Variants in TRDN observed in about 807,000 individuals in gnomAD.
TRDN encodes triadin.
Under a neutral mutation model 149.7 loss-of-function variants are expected in TRDN, and 161 were observed. The observed-to-expected ratio is 1.08, with a 90% CI of 0.95 to 1.23. The LOEUF (loss-of-function observed/expected upper bound fraction) is 1.23, where lower values mean the gene tolerates loss of function less well. TRDN is among the 50% of genes most tolerant of loss of function. TRDN has a pLI of 0.00. For missense variants in TRDN, 896 were observed against 823.5 expected, an observed-to-expected ratio of 1.09 and a Z score of -1.08; for synonymous variants, 294 against 250.5, an observed-to-expected ratio of 1.17 and a Z score of -1.64.
intron 12 of TRDN, among the ~76,000 whole-genome samples, chr6:123,396,573 C>T (rs73771945): frequency 0.15 from 22,939 of 152,074 alleles, 1,805 homozygotes; most frequent in African/African-American, 0.21. Context: ...AAAATGTCAG[C>T]ATAATTCACT....
At chr6:123,250,104 A>G (rs541221598) in intron 38 of TRDN, among the ~76,000 whole-genome samples, 2 of 152,272 alleles carry the variant, frequency 1.3e-5, no homozygotes, top group South Asian at 2.1e-4. Flanking sequence ...TATAACAGCT[A>G]TAAGAAAAAT....
rs1319380436 is a variant in TRDN at position 123,278,318 on chromosome 6, C to G, written c.1567G>C (p.Glu523Gln). The change falls in exon 26 of 41, where the codon GAG (glutamate) becomes CAG (glutamine). Residue 523 changes from glutamate (E) to glutamine (Q), a missense_variant and splice_region_variant. Transcript: ENST00000334268. ...ATGTGTATAAATAAAATATACATACCTGGCTTCTCTTCCTTTTTTCCTTGT... is the reference window on the plus strand; with the variant it reads ...ATGTGTATAAATAAAATATACATACGTGGCTTCTCTTCCTTTTTTCCTTGT... ...QLQGKKEEKP[E>Q]PQIKKEAKPA... 2.3e-6 allele frequency: 3 copies of G among 1,292,456 alleles called. No individual in the cohort carries two copies. The highest frequency in any genetic ancestry group is 5.9e-5 in the East Asian group (2 of 33,700). The allele number at this position is 1,292,456 out of a possible 1,614,324, so 80.1% of individuals were successfully genotyped here.
Position 123,322,664 on chromosome 6 carries a change from A to G in TRDN, c.1472-6169T>C, listed in dbSNP as rs1779288363. Among the ~76,000 whole-genome samples the G allele has an allele frequency of 2.7e-5, 4 of 146,360 alleles. No individual in the cohort carries two copies. In the South Asian group the frequency reaches 8.8e-4, roughly 32 times the overall value. On this transcript the variant is annotated intron_variant, in intron 23 of 40. Coordinates refer to ENST00000334268, the MANE Select transcript of TRDN (RefSeq NM_006073.4). Reference sequence around the variant, plus strand: ...TATTATTATTATTATTATTTTTGAGACGGAGTCTCACTGTCACCCAGGCTG... The same window carrying G: ...TATTATTATTATTATTATTTTTGAGGCGGAGTCTCACTGTCACCCAGGCTG...
chr6:123,385,381 T>C (rs1200930158), intron 14 of TRDN, among the ~76,000 whole-genome samples: 1 of 149,298 alleles, frequency 6.7e-6, no homozygotes, highest in African/African-American at 2.5e-5. Context: ...TGAGCAGAGA[T>C]TGTGCCCACT....
chr6:123,232,727 T>A (rs1199065548), intron 38 of TRDN, among the ~76,000 whole-genome samples: 4 of 151,678 alleles, frequency 2.6e-5, no homozygotes, highest in Non-Finnish European at 5.9e-5. Context: ...TACAAAAGAG[T>A]AAAAAGAGAT....
chr6:123,278,789 A>C (rs1356007310), intron 25 of TRDN, among the ~76,000 whole-genome samples: 1 of 152,180 alleles, frequency 6.6e-6, no homozygotes, highest in Non-Finnish European at 1.5e-5. Flanking sequence ...TTTTTGAGAA[A>C]ATAATGGAAA....
At chr6:123,539,667 G>T (rs1780727972) in intron 4 of TRDN, among the ~76,000 whole-genome samples, 1 of 152,146 alleles carries the variant, frequency 6.6e-6, no homozygotes, top group Admixed American at 6.5e-5. Flanking sequence ...TTATTCCAAT[G>T]GCTTAGGTCA....
At chr6:123,547,869 T>C (rs1781195611) in intron 3 of TRDN, among the ~76,000 whole-genome samples, 1 of 151,980 alleles carries the variant, frequency 6.6e-6, no homozygotes, top group African/African-American at 2.4e-5. Flanking sequence ...TTGAGATGGC[T>C]ATTTCCTTTT....
chr6:123,257,322 A>G (rs942427338), intron 35 of TRDN, among the ~76,000 whole-genome samples: 2 of 152,044 alleles, frequency 1.3e-5, no homozygotes, highest in African/African-American at 2.4e-5. Context: ...TGTATAAGGC[A>G]TAAGGAAGGT....
At chr6:123,465,568 C>T (rs1327667035) in intron 9 of TRDN, among the ~76,000 whole-genome samples, 2 of 117,246 alleles carry the variant, frequency 1.7e-5, no homozygotes, top group Admixed American at 1.1e-4. Flanking sequence ...TCTGTCTGAG[C>T]TTATTATGAA....
At chr6:123,568,018 G>A (rs907243472) in intron 2 of TRDN, among the ~76,000 whole-genome samples, 5 of 152,082 alleles carry the variant, frequency 3.3e-5, no homozygotes, top group Admixed American at 3.3e-4. Flanking sequence ...ATCAAAAGAA[G>A]TTATTTACTT....
At chr6:123,546,839 A>T (rs1781136511) in intron 4 of TRDN, among the ~76,000 whole-genome samples, 1 of 151,988 alleles carries the variant, frequency 6.6e-6, no homozygotes. Flanking sequence ...CATGACAGTG[A>T]CACATCACAC....
intron 4 of TRDN, among the ~76,000 whole-genome samples, chr6:123,536,189 T>C (rs957511696): frequency 1.7e-4 from 26 of 152,310 alleles, no homozygotes; most frequent in African/African-American, 6.3e-4. Flanking sequence ...TATTTGTCTC[T>C]CTCACTAAAT....
chr6:123,447,390 G>A (rs1376169225), intron 10 of TRDN, among the ~76,000 whole-genome samples: 1 of 152,142 alleles, frequency 6.6e-6, no homozygotes, highest in Admixed American at 6.6e-5. Context: ...TTACAATAAG[G>A]ACTTTGAGAA....
chr6:123,375,659 A>T (rs1781475611), intron 18 of TRDN, 28 bp from the exon 19 acceptor site: 1 of 1,496,914 alleles, frequency 6.7e-7, no homozygotes, highest in Admixed American at 2.2e-5. Flanking sequence ...TAATAAGGTC[A>T]ACAGTAATTA....
intron 12 of TRDN, among the ~76,000 whole-genome samples, chr6:123,413,528 G>A (rs1415915685): frequency 2.0e-5 from 3 of 152,098 alleles, no homozygotes; most frequent in African/African-American, 7.2e-5. Context: ...AGCACTTAAG[G>A]TGAAGCTTTG....
At chr6:123,300,495 C>G (rs939467260) in intron 24 of TRDN, among the ~76,000 whole-genome samples, 1 of 151,798 alleles carries the variant, frequency 6.6e-6, no homozygotes, top group African/African-American at 2.4e-5. Flanking sequence ...TCCTGAGGAT[C>G]CACAGAGAAT....
intron 22 of TRDN, among the ~76,000 whole-genome samples, chr6:123,334,153 G>A: frequency 6.6e-6 from 1 of 151,966 alleles, no homozygotes; most frequent in East Asian, 1.9e-4. Context: ...GCTTTGAATT[G>A]TTGAGTGGAA....
chr6:123,388,731 TA>T (rs1781999117), intron 13 of TRDN, among the ~76,000 whole-genome samples, 180 bp from the exon 14 acceptor site: 1 of 152,140 alleles, frequency 6.6e-6, no homozygotes, highest in Non-Finnish European at 1.5e-5. Context: ...AAGATATTTG[TA>T]AACTCAGAAA....
Sources: gnomAD v4.1 joint callset for allele counts (sites outside exome capture counted in the v4.1 genomes callset) on GRCh38, gnomAD v4.1.1 for gene constraint, MANE v1.5 for transcripts, NCBI Gene and HGNC (gene_info 2026-07-23, HGNC 2026-07-21) for gene names.